Variants in FAM135B observed in about 807,000 individuals in gnomAD.
The protein encoded by FAM135B is protein FAM135B.
In FAM135B, 43 loss-of-function variants were observed where a neutral mutation model predicts 127.7. The ratio of observed to expected loss-of-function variants is 0.34; its 90% CI spans 0.26 to 0.43. The LOEUF (loss-of-function observed/expected upper bound fraction) is 0.43, where lower values mean the gene tolerates loss of function less well. FAM135B is among the 20% of genes least tolerant of loss of function. The probability of loss-of-function intolerance (pLI) is 1.00; values close to 1 mark genes in which losing one functional copy is unlikely to be tolerated. For synonymous variants in FAM135B, 670 were observed against 665.1 expected, an observed-to-expected ratio of 1.01 and a Z score of -0.11; for missense variants, 1,558 against 1,725.6, an observed-to-expected ratio of 0.90 and a Z score of 1.72.
intron 3 of FAM135B, among the ~76,000 whole-genome samples, chr8:138,300,279 C>G (rs942498395): frequency 1.4e-5 from 2 of 145,300 alleles, no homozygotes; most frequent in African/African-American, 5.1e-5. Flanking sequence ...AAAAAAAAAT[C>G]CACAAGTTAA....
At position 138,240,417 on chromosome 8, in the gene FAM135B, C is replaced by A. The variant is rs554616450; in HGVS notation, c.669+2525G>T. On this transcript the variant is annotated intron_variant, in intron 7 of 19. Coordinates refer to ENST00000395297, the MANE Select transcript of FAM135B (RefSeq NM_015912.4). Reference sequence around the variant, plus strand: ...GGCACACACACGTCAGCAGAGATGCCCCTCACTCCACAGCTGCCTCCCATT... The same window carrying A: ...GGCACACACACGTCAGCAGAGATGCACCTCACTCCACAGCTGCCTCCCATT... 5.3e-5 allele frequency among the ~76,000 whole-genome samples: 8 copies of A among 152,290 alleles called. No homozygotes were observed. The South Asian group carries it at 1.7e-3, about 32-fold the overall frequency.
intron 1 of FAM135B, among the ~76,000 whole-genome samples, chr8:138,467,565 C>T (rs1049864860): frequency 6.6e-6 from 1 of 152,174 alleles, no homozygotes; most frequent in African/African-American, 2.4e-5. Context: ...ACTTCTAGTG[C>T]TTCTGAAATA....
chr8:138,161,940 T>C lies in FAM135B; in HGVS notation c.1258+5955A>G, dbSNP rs372543027. Among the ~76,000 whole-genome samples, 3 of 139,040 alleles carry C rather than the reference T, an allele frequency of 2.2e-5. No individual in the cohort carries two copies. The South Asian group carries it at 6.9e-4, about 32-fold the overall frequency. The allele number at this position is 139,040 out of a possible 152,430, so 91.2% of individuals were successfully genotyped here. A position where few individuals can be genotyped will look rare whatever the true frequency, so the allele number is the denominator to read the frequency against. On this transcript the variant is annotated intron_variant, in intron 12 of 19. Transcript: ENST00000395297. ...AATTTCTATAGCCCCAAGGCTAGCA[T>C]CATGGCTAGTACATAGGTGATGAAT...
chr8:138,295,323 C>T (rs1439343594), intron 3 of FAM135B, among the ~76,000 whole-genome samples: 2 of 151,904 alleles, frequency 1.3e-5, no homozygotes, highest in Non-Finnish European at 2.9e-5. Context: ...TTGACATTGA[C>T]TCTTTTGTGC....
chr8:138,190,717 T>C lies in FAM135B; in HGVS notation c.873+4541A>G, dbSNP rs190115370. ...TTTACCATCTATTCTCTCTGAAGCC[T>C]GCTATCTAAAGACCTTCATCTGCGT... On this transcript the variant is annotated intron_variant, in intron 9 of 19. Coordinates refer to ENST00000395297, the MANE Select transcript of FAM135B (RefSeq NM_015912.4). 2.6e-4 allele frequency among the ~76,000 whole-genome samples: 40 copies of C among 152,346 alleles called. No individual in the cohort carries two copies. The East Asian group carries it at 7.0e-3, about 26-fold the overall frequency.
intron 12 of FAM135B, among the ~76,000 whole-genome samples, chr8:138,163,617 C>T (rs888305936): frequency 1.6e-4 from 25 of 152,202 alleles, no homozygotes; most frequent in Non-Finnish European, 2.8e-4. Flanking sequence ...TCTCTCTTTG[C>T]CTGCTGCCAT....
intron 1 of FAM135B, among the ~76,000 whole-genome samples, chr8:138,378,738 T>C (rs1435522389): frequency 6.6e-6 from 1 of 152,108 alleles, no homozygotes; most frequent in East Asian, 1.9e-4. Flanking sequence ...TGTTTGCTTT[T>C]TTTTTTTCAC....
intron 7 of FAM135B, among the ~76,000 whole-genome samples, chr8:138,240,780 G>A (rs1443465833): frequency 6.6e-6 from 1 of 152,148 alleles, no homozygotes; most frequent in African/African-American, 2.4e-5. Context: ...TTGCACATCA[G>A]AGTCCCTCAG....
intron 1 of FAM135B, among the ~76,000 whole-genome samples, chr8:138,442,133 C>T (rs1393413555): frequency 7.3e-5 from 11 of 150,380 alleles, no homozygotes; most frequent in Non-Finnish European, 1.3e-4. Flanking sequence ...TAAACTATTA[C>T]ATAATCTGTC....
At position 138,243,064 on chromosome 8, in the gene FAM135B, T is replaced by C; in HGVS notation, c.547A>G (p.Thr183Ala). ...AGCCAGGAGCCTCTTCCTGGACGAG[T>C]AAAACTAAACAAAAGATAATTGAAA... is the stretch of plus-strand genomic sequence containing the variant. ...VALQQPLISF[T>A]RPGRGSWLGK... is the part of the protein sequence containing the mutation. The change falls in exon 7 of 20, where the codon ACT (threonine) becomes GCT (alanine). Residue 183 changes from threonine (T) to alanine (A), a missense_variant. By Grantham distance (58) the Thr-to-Ala change is moderately conservative. Around this residue, in one of 5 missense-constraint regions of FAM135B, gnomAD observed 199 missense variants for 245.7 expected, o/e 0.81. Transcript: ENST00000395297. The surrounding 1 kb of genome is among the most constrained non-coding windows in gnomAD (Gnocchi z 7.5). 1 of 1,606,412 alleles carries C rather than the reference T, an allele frequency of 6.2e-7. No homozygotes were observed. Among genetic ancestry groups the C allele is most frequent in the East Asian group, 2.2e-5 (1 of 44,740 alleles).
chr8:138,333,258 C>T (rs917782391), intron 2 of FAM135B, among the ~76,000 whole-genome samples: 1 of 152,148 alleles, frequency 6.6e-6, no homozygotes, highest in African/African-American at 2.4e-5. Context: ...CCTGTTTGCT[C>T]AACACAGTGG....
chr8:138,164,254 A>G (rs1819685898), intron 12 of FAM135B, among the ~76,000 whole-genome samples: 1 of 152,184 alleles, frequency 6.6e-6, no homozygotes, highest in Non-Finnish European at 1.5e-5. Flanking sequence ...ATATTTCTGT[A>G]AAAGTAGTCT....
chr8:138,302,401 CATT>C (rs946643534), intron 3 of FAM135B, among the ~76,000 whole-genome samples: 1 of 152,080 alleles, frequency 6.6e-6, no homozygotes, highest in Non-Finnish European at 1.5e-5. Context: ...GCTTAAAACT[CATT>C]GTACTGGGTG....
chr8:138,440,765 A>T (rs534128213), intron 1 of FAM135B: 1 of 152,180 alleles, frequency 6.6e-6, no homozygotes, highest in Middle Eastern at 3.2e-3. Flanking sequence ...AGATATACTC[A>T]TACTGTAGGC....
intron 3 of FAM135B, among the ~76,000 whole-genome samples, chr8:138,267,283 AC>A (rs1823011613): frequency 6.6e-6 from 1 of 152,146 alleles, no homozygotes; most frequent in African/African-American, 2.4e-5. Context: ...CCTCACCAGA[AC>A]CTGACCATGC....
chr8:138,332,902 T>C (rs1426480007), intron 2 of FAM135B, among the ~76,000 whole-genome samples: 1 of 152,046 alleles, frequency 6.6e-6, no homozygotes, highest in Admixed American at 6.6e-5. Context: ...TTGGGTGTTT[T>C]GTGCTGAGAG....
chr8:138,317,230 C>T (rs1239358765), intron 2 of FAM135B, among the ~76,000 whole-genome samples: 1 of 152,172 alleles, frequency 6.6e-6, no homozygotes, highest in Admixed American at 6.5e-5. Context: ...GATCTCCACA[C>T]AGTTGTGCTC....
intron 4 of FAM135B, 64 bp downstream of exon 4, chr8:138,265,639 A>C: frequency 6.4e-7 from 1 of 1,574,108 alleles, no homozygotes; most frequent in Non-Finnish European, 8.7e-7. Context: ...TTTACCTAGC[A>C]ATGAGAGAGA....
At chr8:138,221,466 T>C (rs1178203597) in intron 7 of FAM135B, among the ~76,000 whole-genome samples, 1 of 152,124 alleles carries the variant, frequency 6.6e-6, no homozygotes, top group Non-Finnish European at 1.5e-5. Flanking sequence ...GAATTCAACA[T>C]GAGATTTGGT....
Sources: gnomAD v4.1 joint callset for allele counts (sites outside exome capture counted in the v4.1 genomes callset) on GRCh38, gnomAD v4.1.1 for gene constraint, gnomAD v4.1.1 regional missense constraint, Gnocchi (gnomAD v3.1) non-coding constraint, MANE v1.5 for transcripts, NCBI Gene and HGNC (gene_info 2026-07-23, HGNC 2026-07-21) for gene names.